PTPRQ: variants seen among roughly 807,000 people sequenced by gnomAD.
PTPRQ encodes the protein phosphatidylinositol phosphatase PTPRQ.
PTPRQ carries 199 observed loss-of-function variants against 246.0 expected under a neutral mutation model. The observed-to-expected ratio is 0.81, with a 90% CI of 0.72 to 0.91. PTPRQ has a LOEUF of 0.91. Ranked by LOEUF, PTPRQ falls within the 40% of genes least tolerant of loss-of-function variation. PTPRQ has a pLI of 0.00. For synonymous variants in PTPRQ, 869 were observed against 853.2 expected, an observed-to-expected ratio of 1.02 and a Z score of -0.32; for missense variants, 2,624 against 2,528.4, an observed-to-expected ratio of 1.04 and a Z score of -0.81.
At chr12:80,590,742 A>C (rs932539418) in intron 26 of PTPRQ, among the ~76,000 whole-genome samples, 1 of 151,518 alleles carries the variant, frequency 6.6e-6, no homozygotes, top group African/African-American at 2.4e-5. Context: ...ATTTCTTAAC[A>C]TGGTTAACAA....
At chr12:80,649,043 G>C (rs1321477422) in intron 36 of PTPRQ, 120 bp downstream of exon 36, 1 of 933,900 alleles carries the variant, frequency 1.1e-6, no homozygotes, top group Non-Finnish European at 1.5e-6. Context: ...CTCCAAGCTG[G>C]ATATAAATCA....
intron 17 of PTPRQ, among the ~76,000 whole-genome samples, chr12:80,522,376 C>G (rs1031619992): frequency 1.3e-5 from 2 of 152,146 alleles, no homozygotes; most frequent in African/African-American, 4.8e-5. Flanking sequence ...CCTAATCGAC[C>G]TGGCCAGAAC....
intron 6 of PTPRQ, among the ~76,000 whole-genome samples, chr12:80,464,866 G>A (rs201232972): frequency 0.02 from 54 of 2,678 alleles, 7 homozygotes; most frequent in African/African-American, 0.093. Flanking sequence ...TGTGTAGAGG[G>A]CAATTTATAG....
At chr12:80,625,109 A>G (rs950519765) in intron 33 of PTPRQ, among the ~76,000 whole-genome samples, 1 of 152,154 alleles carries the variant, frequency 6.6e-6, no homozygotes, top group African/African-American at 2.4e-5. Context: ...CAATTCTCCA[A>G]TGGTTAGTGG....
rs186891690 is a variant in PTPRQ at position 80,477,224 on chromosome 12, A to G, written c.1186+4973A>G. On this transcript the variant is annotated intron_variant, in intron 8 of 44. Transcript: ENST00000644991. ...CATGATTATTTTTAAAATATCAGAA[A>G]AAAATCAATCAACTCTTCAAACAAT... 3.0e-3 allele frequency among the ~76,000 whole-genome samples: 456 copies of G among 152,312 alleles called. 2 individuals carry two copies. Among genetic ancestry groups the G allele is most frequent in the Middle Eastern group, 0.017 (5 of 294 alleles).
chr12:80,656,832 C>T (rs1358253719), intron 38 of PTPRQ, among the ~76,000 whole-genome samples: 1 of 144,458 alleles, frequency 6.9e-6, no homozygotes, highest in Non-Finnish European at 1.5e-5. Flanking sequence ...GTTGTTCCAA[C>T]GACAACAGAT....
chr12:80,561,893 A>G (rs1037245519), intron 25 of PTPRQ, among the ~76,000 whole-genome samples: 55 of 152,072 alleles, frequency 3.6e-4, no homozygotes, highest in African/African-American at 1.2e-3. Flanking sequence ...TTCTTTTACC[A>G]TTGTTTGTGA....
chr12:80,649,609 C>T lies in PTPRQ; in HGVS notation c.5964C>T (p.Phe1988=). The change falls in exon 37 of 45, where the codon TTC becomes TTT. Residue 1988 remains phenylalanine (F), a synonymous_variant. Transcript: ENST00000644991. ...GGAGGCCAATAAGCAAGAAATCCTT[C>T]CTGCAACATGTTGAAGAGCTTTGCA... ...KSIKPISKKS[F]LQHVEELCTN... 5.2e-6 allele frequency: 8 copies of T among 1,549,622 alleles called. No individual in the cohort carries two copies. The highest frequency in any genetic ancestry group is 6.1e-6 in the Non-Finnish European group (7 of 1,145,708).
intron 33 of PTPRQ, among the ~76,000 whole-genome samples, chr12:80,626,491 G>C (rs1899205245): frequency 6.6e-6 from 1 of 151,982 alleles, no homozygotes; most frequent in Non-Finnish European, 1.5e-5. Context: ...GTCTTTAAGG[G>C]GTTTTACATA....
chr12:80,533,183 T>C (rs1394183032), intron 17 of PTPRQ, among the ~76,000 whole-genome samples: 1 of 152,118 alleles, frequency 6.6e-6, no homozygotes, highest in Admixed American at 6.6e-5. Context: ...ATGCACATTT[T>C]TCAGCATCAC....
chr12:80,674,550 G>A (rs1244216174), intron 43 of PTPRQ, among the ~76,000 whole-genome samples: 4 of 152,016 alleles, frequency 2.6e-5, no homozygotes, highest in Admixed American at 2.6e-4. Context: ...TTGGACAAAT[G>A]TCCCTTTTAG....
intron 33 of PTPRQ, among the ~76,000 whole-genome samples, chr12:80,624,260 T>A (rs1899111967): frequency 6.6e-6 from 1 of 152,154 alleles, no homozygotes; most frequent in East Asian, 1.9e-4. Context: ...AGAAAGGCAC[T>A]GGGCTGCTGA....
intron 25 of PTPRQ, among the ~76,000 whole-genome samples, chr12:80,559,802 T>C (rs1896771238): frequency 6.6e-6 from 1 of 152,150 alleles, no homozygotes; most frequent in Non-Finnish European, 1.5e-5. Context: ...TAAAATAATT[T>C]AATACAACTT....
chr12:80,675,540 T>C (rs896859012), intron 43 of PTPRQ, among the ~76,000 whole-genome samples: 2 of 152,146 alleles, frequency 1.3e-5, no homozygotes, highest in African/African-American at 4.8e-5. Flanking sequence ...GTTTGCTCTC[T>C]TGGGTAGGAT....
chr12:80,480,960 T>C (rs1164412129), intron 8 of PTPRQ, among the ~76,000 whole-genome samples: 5 of 152,092 alleles, frequency 3.3e-5, no homozygotes, highest in Admixed American at 6.5e-5. Flanking sequence ...GAGGAACTGG[T>C]ACCATTCCTT....
chr12:80,672,311 G>GTA (rs902514609), intron 42 of PTPRQ, among the ~76,000 whole-genome samples: 9 of 150,404 alleles, frequency 6.0e-5, no homozygotes, highest in South Asian at 2.1e-4. Context: ...TGTGTGGCAT[G>GTA]TATATATATA....
intron 35 of PTPRQ, among the ~76,000 whole-genome samples, chr12:80,644,056 A>T (rs1592752344): frequency 6.6e-6 from 1 of 152,160 alleles, no homozygotes; most frequent in South Asian, 2.1e-4. Flanking sequence ...GTGGCTCTCT[A>T]TTAGGACTAT....
chr12:80,501,384 T>C (rs1228704095), intron 14 of PTPRQ, among the ~76,000 whole-genome samples: 2 of 151,998 alleles, frequency 1.3e-5, no homozygotes, highest in Non-Finnish European at 2.9e-5. Context: ...TGAGTGGTAG[T>C]GCCATTTACT....
intron 9 of PTPRQ, among the ~76,000 whole-genome samples, chr12:80,491,018 C>A (rs1356628348): frequency 6.6e-6 from 1 of 151,790 alleles, no homozygotes; most frequent in Non-Finnish European, 1.5e-5. Context: ...AATCATTGCC[C>A]AAGTTATGGA....
Sources: gnomAD v4.1 joint callset for allele counts (sites outside exome capture counted in the v4.1 genomes callset) on GRCh38, gnomAD v4.1.1 for gene constraint, MANE v1.5 for transcripts, NCBI Gene and HGNC (gene_info 2026-07-23, HGNC 2026-07-21) for gene names.